The following RNF216 variants were observed in gnomAD, a reference collection of about 807,000 sequenced individuals.
RNF216 encodes the protein E3 ubiquitin-protein ligase RNF216.
A neutral mutation model predicts 110.8 loss-of-function variants in RNF216; 72 were observed. That is an observed-to-expected ratio of 0.65 (90% confidence interval 0.54 to 0.79). RNF216 has a LOEUF of 0.79. RNF216 is among the 30% of genes least tolerant of loss of function. The pLI, the probability that RNF216 is intolerant of heterozygous loss-of-function variation, is 0.00. For synonymous variants in RNF216, 495 were observed against 407.5 expected (o/e 1.21, Z -2.59); for missense variants, 1,342 against 1,141.2 (o/e 1.18, Z -2.54).
Position 5,741,514 on chromosome 7 carries a change from T to TCAATGA in RNF216, c.502_503insTCATTG (p.Asn167_Asp168insValIle), listed in dbSNP as rs760523791. 1.9e-6 allele frequency: 3 copies of TCAATGA among 1,614,200 alleles called. No individual in the cohort carries two copies. The highest frequency in any genetic ancestry group is 2.5e-6 in the Non-Finnish European group (3 of 1,180,040). Reference sequence around the variant, plus strand: ...CTGCTCTGATCTGGGGTTGACAATGTCATTTGCTGCTTGGTTATGACTCGG... The same window carrying TCAATGA: ...CTGCTCTGATCTGGGGTTGACAATGTCAATGACATTTGCTGCTTGGTTATGACTCGG... On this transcript the variant is annotated inframe_insertion, in exon 4 of 17. Transcript: ENST00000389902.
intron 13 of RNF216, among the ~76,000 whole-genome samples, chr7:5,664,285 C>T (rs970633417): frequency 1.3e-5 from 2 of 152,090 alleles, no homozygotes; most frequent in East Asian, 1.9e-4. Flanking sequence ...TTAATATATA[C>T]GACCCTTTCA....
intron 13 of RNF216, among the ~76,000 whole-genome samples, chr7:5,686,562 G>A (rs149217704): frequency 4.6e-5 from 7 of 152,308 alleles, no homozygotes; most frequent in South Asian, 2.1e-4. Flanking sequence ...TACAATGCAC[G>A]CCAGTGTTCC....
intron 14 of RNF216, among the ~76,000 whole-genome samples, chr7:5,649,072 G>C (rs1048634998): frequency 3.3e-5 from 5 of 152,136 alleles, no homozygotes; most frequent in Non-Finnish European, 4.4e-5. Flanking sequence ...AAACACTATA[G>C]CAGTTTAAAA....
intron 1 of RNF216, among the ~76,000 whole-genome samples, chr7:5,772,886 C>A (rs914857936): frequency 1.6e-4 from 24 of 149,924 alleles, no homozygotes; most frequent in African/African-American, 5.6e-4. Flanking sequence ...TCAAGCAATT[C>A]TCCTGCCTCA....
rs918597748 is a variant in RNF216 at position 5,622,687 on chromosome 7, G to A, written c.*173C>T. 19 of 655,010 alleles carry A rather than the reference G, an allele frequency of 2.9e-5. No homozygotes were observed. Among genetic ancestry groups the A allele is most frequent in the Non-Finnish European group, 4.4e-5 (17 of 383,062 alleles). 40.6% of individuals were successfully genotyped at this position (655,010 alleles called of 1,614,324 possible). A position where few individuals can be genotyped will look rare whatever the true frequency, so the allele number is the denominator to read the frequency against. ...TTTGGGACGTCTTTATTATGGATCC[G>A]TCCACTCTTCCAGGAGCAGTAGCCC... On this transcript the variant is annotated 3_prime_UTR_variant, in exon 17 of 17. Transcript: ENST00000389902.
At chr7:5,704,397 C>CA (rs1792158037) in intron 13 of RNF216, among the ~76,000 whole-genome samples, 1 of 152,130 alleles carries the variant, frequency 6.6e-6, no homozygotes, top group Non-Finnish European at 1.5e-5. Context: ...CAGGAATCCT[C>CA]AAGGATTAGC....
At chr7:5,631,487 T>C (rs1240214702) in intron 15 of RNF216, among the ~76,000 whole-genome samples, 1 of 152,188 alleles carries the variant, frequency 6.6e-6, no homozygotes, top group Non-Finnish European at 1.5e-5. Context: ...CCAGGTGCTG[T>C]TCTCAGCTCA....
intron 4 of RNF216, 121 bp downstream of exon 4, chr7:5,740,852 A>G (rs1445446667): frequency 2.3e-6 from 2 of 879,654 alleles, no homozygotes; most frequent in Admixed American, 3.0e-5. Flanking sequence ...ATCTAGATAT[A>G]TACTTCTTAG....
chr7:5,742,829 C>A (rs1366579434), intron 3 of RNF216, among the ~76,000 whole-genome samples: 1 of 152,050 alleles, frequency 6.6e-6, no homozygotes, highest in Non-Finnish European at 1.5e-5. Flanking sequence ...CTCCTGACCT[C>A]AGATGACTGG....
rs572595279 is a variant in RNF216, at chr7:5,771,667, C to T, written c.-70+9874G>A. 7.2e-5 allele frequency among the ~76,000 whole-genome samples: 11 copies of T among 152,066 alleles called. No homozygotes were observed. The East Asian group carries it at 1.6e-3, about 21-fold the overall frequency. On this transcript the variant is annotated intron_variant, in intron 1 of 16. Transcript: ENST00000389902. ...AAAAAAATTTAGCCAGGCGCAGTAG[C>T]GGGCACCTAGTCCCAGCTACTCAGG...
At chr7:5,735,186 A>G (rs774702113) in intron 5 of RNF216, among the ~76,000 whole-genome samples, 3 of 152,154 alleles carry the variant, frequency 2.0e-5, no homozygotes, top group Non-Finnish European at 4.4e-5. Context: ...TGTAATCCAA[A>G]AACTTCAAGA....
At chr7:5,626,903 G>A (rs1026904510) in intron 15 of RNF216, among the ~76,000 whole-genome samples, 1 of 151,798 alleles carries the variant, frequency 6.6e-6, no homozygotes, top group Non-Finnish European at 1.5e-5. Context: ...AAAATGACAG[G>A]TAGAGAAGTT....
intron 13 of RNF216, among the ~76,000 whole-genome samples, chr7:5,654,682 G>A (rs999130691): frequency 1.1e-4 from 6 of 56,106 alleles, no homozygotes; most frequent in East Asian, 1.3e-3. Context: ...GCCAGACTCC[G>A]CCTCAAAAAA....
chr7:5,647,187 T>C (rs779100566), intron 14 of RNF216, among the ~76,000 whole-genome samples: 10 of 151,926 alleles, frequency 6.6e-5, no homozygotes, highest in Admixed American at 2.6e-4. Context: ...TGGTGGGAGA[T>C]AGGAGTTTTT....
At chr7:5,733,524 G>A (rs1212867846) in intron 5 of RNF216, among the ~76,000 whole-genome samples, 1 of 152,120 alleles carries the variant, frequency 6.6e-6, no homozygotes, top group African/African-American at 2.4e-5. Flanking sequence ...AGGTTAAACT[G>A]TTAAAAAATA....
intron 13 of RNF216, among the ~76,000 whole-genome samples, chr7:5,673,742 T>C (rs1327625106): frequency 6.6e-6 from 1 of 152,078 alleles, no homozygotes; most frequent in Non-Finnish European, 1.5e-5. Context: ...CTGGGTGCAG[T>C]GGTGCGCACC....
intron 13 of RNF216, among the ~76,000 whole-genome samples, chr7:5,672,017 T>C (rs1789952011): frequency 1.3e-5 from 2 of 152,318 alleles, no homozygotes; most frequent in Admixed American, 1.3e-4. Flanking sequence ...GTCTGGTATT[T>C]TGCTAAGGCA....
Position 5,678,206 on chromosome 7 carries a change from C to T in RNF216, c.2062-25696G>A, listed in dbSNP as rs529841215. On this transcript the variant is annotated intron_variant, in intron 13 of 16. Transcript: ENST00000389902. The stretch of plus-strand genomic sequence containing the variant: ...TGAGGCTCTGGGGCCCTCTGCTGAC[C>T]GCCTGCTGTAACTTTTAGCTCCTCA... 6.3e-4 allele frequency among the ~76,000 whole-genome samples: 96 copies of T among 152,232 alleles called. 1 individual carries two copies. Among genetic ancestry groups the T allele is most frequent in the Admixed American group, 3.3e-3 (50 of 15,296 alleles).
intron 1 of RNF216, among the ~76,000 whole-genome samples, chr7:5,764,999 G>C (rs1181439404): frequency 6.6e-6 from 1 of 150,650 alleles, no homozygotes; most frequent in Non-Finnish European, 1.5e-5. Flanking sequence ...GAGCCCATGA[G>C]TTCCAAGTTT....
Sources: allele counts gnomAD v4.1 joint callset (sites outside exome capture counted in the v4.1 genomes callset), GRCh38; gene constraint gnomAD v4.1.1; transcripts MANE v1.5; gene names NCBI Gene and HGNC (gene_info 2026-07-23, HGNC 2026-07-21).